BNC2: variants seen among roughly 807,000 people sequenced by gnomAD.
BNC2 encodes zinc finger protein basonuclin-2.
BNC2 carries 20 observed loss-of-function variants against 76.3 expected under a neutral mutation model. The ratio of observed to expected loss-of-function variants is 0.26; its 90% CI spans 0.18 to 0.38. The LOEUF (loss-of-function observed/expected upper bound fraction) is 0.38. Ranked by LOEUF, BNC2 falls within the 10% of genes least tolerant of loss-of-function variation. BNC2 has a pLI of 1.00. For synonymous variants in BNC2, 582 were observed against 514.8 expected, an observed-to-expected ratio of 1.13 and a Z score of -1.77; for missense variants, 1,382 against 1,399.8, an observed-to-expected ratio of 0.99 and a Z score of 0.20.
chr9:16,830,068 G>A (rs1818547055), intron 1 of BNC2, among the ~76,000 whole-genome samples: 2 of 151,990 alleles, frequency 1.3e-5, no homozygotes, highest in African/African-American at 4.8e-5. Flanking sequence ...AAGCCTAGAA[G>A]GTCTGTAAAG....
intron 5 of BNC2, among the ~76,000 whole-genome samples, chr9:16,464,443 G>A (rs1040805212): frequency 6.6e-6 from 1 of 152,032 alleles, no homozygotes; most frequent in Non-Finnish European, 1.5e-5. Context: ...CTTCAGCTGA[G>A]GTCATTCAGG....
intron 5 of BNC2, among the ~76,000 whole-genome samples, chr9:16,449,448 T>C (rs2131034652): frequency 6.6e-6 from 1 of 152,302 alleles, no homozygotes; most frequent in South Asian, 2.1e-4. Flanking sequence ...AACTACTGTT[T>C]GTGAGGTTAA....
At chr9:16,834,254 CTT>C (rs1367676769) in intron 1 of BNC2, among the ~76,000 whole-genome samples, 1 of 152,084 alleles carries the variant, frequency 6.6e-6, no homozygotes, top group Admixed American at 6.6e-5. Context: ...AATTTCTACT[CTT>C]AACTATACTA....
intron 1 of BNC2, among the ~76,000 whole-genome samples, chr9:16,795,441 AGAC>A (rs1817621307): frequency 6.6e-6 from 1 of 150,776 alleles, no homozygotes; most frequent in South Asian, 2.1e-4. Flanking sequence ...AAACATTGGG[AGAC>A]TGAGCCATCT....
chr9:16,866,643 T>G (rs1179664082), intron 1 of BNC2, among the ~76,000 whole-genome samples: 3 of 147,096 alleles, frequency 2.0e-5, no homozygotes, highest in Non-Finnish European at 4.5e-5. Context: ...TGTAGAAAGT[T>G]CTTTTGCTTC....
At chr9:16,747,902 G>T (rs1825057928) in intron 1 of BNC2, among the ~76,000 whole-genome samples, 2 of 152,110 alleles carry the variant, frequency 1.3e-5, no homozygotes, top group Admixed American at 1.3e-4. Context: ...TTCATAGTTA[G>T]TTATAATTAT....
intron 5 of BNC2, among the ~76,000 whole-genome samples, chr9:16,449,991 C>T (rs114696298): frequency 3.9e-4 from 59 of 152,152 alleles, no homozygotes; most frequent in Non-Finnish European, 7.8e-4. Flanking sequence ...AAGCCACACT[C>T]TTCAGCTGGC....
At chr9:16,723,480 T>C (rs1824225409) in intron 3 of BNC2, among the ~76,000 whole-genome samples, 1 of 132,152 alleles carries the variant, frequency 7.6e-6, no homozygotes, top group Non-Finnish European at 1.6e-5. Flanking sequence ...AAATGACTAG[T>C]GAATAAATAC....
chr9:16,664,843 T>C (rs1424371829), intron 3 of BNC2, among the ~76,000 whole-genome samples: 1 of 146,332 alleles, frequency 6.8e-6, no homozygotes, highest in Non-Finnish European at 1.5e-5. Context: ...CCACGTGAAA[T>C]GTGAGCACCA....
intron 3 of BNC2, among the ~76,000 whole-genome samples, chr9:16,612,663 G>A (rs1820582513): frequency 6.6e-6 from 1 of 152,058 alleles, no homozygotes; most frequent in South Asian, 2.1e-4. Flanking sequence ...AACTGAGTAG[G>A]GAGATAAACC....
At position 16,821,165 on chromosome 9, in the gene BNC2, G is replaced by A. The variant is rs111454017; in HGVS notation, c.3+49481C>T. On this transcript the variant is annotated intron_variant, in intron 1 of 6. Transcript: ENST00000380672. ...GGAGAATCACTTCAACCCAGGAGGC[G>A]GAGGTTGCAGTGAGCCAAGATCACG... is the stretch of plus-strand genomic sequence containing the variant. 5.1e-3 allele frequency among the ~76,000 whole-genome samples: 764 copies of A among 151,244 alleles called. 6 individuals are homozygous for A. Among genetic ancestry groups the A allele is most frequent in the African/African-American group, 0.017 (697 of 41,170 alleles).
At chr9:16,476,178 C>G (rs1451629456) in intron 5 of BNC2, 1 of 152,188 alleles carries the variant, frequency 6.6e-6, no homozygotes, top group African/African-American at 2.4e-5. Flanking sequence ...CTACTAGAAG[C>G]CTTCATCACT....
intron 5 of BNC2, among the ~76,000 whole-genome samples, chr9:16,483,743 G>C (rs1387029624): frequency 6.6e-6 from 1 of 152,176 alleles, no homozygotes. Flanking sequence ...AGCAAAAAGG[G>C]AGTGGGATAA....
intron 5 of BNC2, among the ~76,000 whole-genome samples, chr9:16,499,130 C>T (rs1822463250): frequency 6.6e-6 from 1 of 152,160 alleles, no homozygotes; most frequent in Admixed American, 6.5e-5. Context: ...ATACACTGCA[C>T]TCTTACTATT....
At chr9:16,814,771 C>G (rs374824413) in intron 1 of BNC2, among the ~76,000 whole-genome samples, 3 of 152,196 alleles carry the variant, frequency 2.0e-5, no homozygotes, top group African/African-American at 7.2e-5. Flanking sequence ...CACCAAATAT[C>G]TAGGGGGGCT....
At chr9:16,528,209 T>A (rs1817870121) in intron 5 of BNC2, among the ~76,000 whole-genome samples, 1 of 152,228 alleles carries the variant, frequency 6.6e-6, no homozygotes, top group Non-Finnish European at 1.5e-5. Context: ...ACTCCATTAA[T>A]AATATATGAC....
chr9:16,703,183 C>T (rs1290083011), intron 3 of BNC2, among the ~76,000 whole-genome samples: 1 of 152,004 alleles, frequency 6.6e-6, no homozygotes, highest in Non-Finnish European at 1.5e-5. Context: ...ATCCTTTTCA[C>T]AGTTTAAAAA....
At chr9:16,625,863 C>G (rs1820980443) in intron 3 of BNC2, 1 of 152,156 alleles carries the variant, frequency 6.6e-6, no homozygotes, top group South Asian at 2.1e-4. Context: ...AGTATGAGGA[C>G]CAAAGGACCT....
At chr9:16,810,027 T>C (rs574601340) in intron 1 of BNC2, among the ~76,000 whole-genome samples, 13 of 152,312 alleles carry the variant, frequency 8.5e-5, no homozygotes, top group Non-Finnish European at 1.6e-4. Flanking sequence ...AAAGGTATGA[T>C]TAAAGAAGCT....
Sources: gnomAD v4.1 joint callset for allele counts (sites outside exome capture counted in the v4.1 genomes callset) on GRCh38, gnomAD v4.1.1 for gene constraint, MANE v1.5 for transcripts, NCBI Gene and HGNC (gene_info 2026-07-23, HGNC 2026-07-21) for gene names.